The following TFEC variants were observed in gnomAD, a reference collection of about 807,000 sequenced individuals.
TFEC encodes the protein class E basic helix-loop-helix protein 34.
Under a neutral mutation model 41.6 loss-of-function variants are expected in TFEC, and 31 were observed. The observed-to-expected ratio is 0.74, with a 90% confidence interval of 0.56 to 1.01. The LOEUF (loss-of-function observed/expected upper bound fraction) is 1.01, where lower values mean the gene tolerates loss of function less well. TFEC is among the 50% of genes least tolerant of loss of function. The pLI is 0.00. For synonymous variants in TFEC, 143 were observed against 140.6 expected (o/e 1.02, Z -0.12); for missense variants, 402 against 404.1 (o/e 0.99, Z 0.04).
chr7:116,029,771 C>T lies in TFEC; in HGVS notation c.-73+862G>A, dbSNP rs17302018. ...TAATCTTAAAGTTTCTACTACAACT[C>T]TTTTGATTATTACAATTGAAAACTA... On this transcript the variant is annotated intron_variant, in intron 1 of 7. Transcript: ENST00000265440. Among the ~76,000 whole-genome samples, 1,057 of 151,942 alleles carry T rather than the reference C, an allele frequency of 7.0e-3. 7 individuals carry two copies. The highest frequency in any genetic ancestry group is 0.014 in the Middle Eastern group (4 of 294).
rs569243980 is a variant in TFEC at position 116,109,681 on chromosome 7, T to C, written c.198+1027A>G. On this transcript the variant is annotated intron_variant, in intron 3 of 8. Transcript: ENST00000484212. ...AGACAGTGTGGTGATTCCTCAAGGA[T>C]CTAGAACTAGAAATACCATTTGGCC... is the stretch of plus-strand genomic sequence containing the variant. 5.3e-4 allele frequency among the ~76,000 whole-genome samples: 81 copies of C among 152,288 alleles called. 1 individual carries two copies. Among genetic ancestry groups the C allele is most frequent in the African/African-American group, 1.9e-3 (78 of 41,564 alleles).
chr7:116,097,826 C>T (rs1236290802), intron 3 of TFEC, among the ~76,000 whole-genome samples: 6 of 152,018 alleles, frequency 3.9e-5, no homozygotes, highest in Non-Finnish European at 8.8e-5. Context: ...CAAAACAAAA[C>T]AAAACTATCC....
chr7:115,978,802 C>T (rs796131839), intron 2 of TFEC, among the ~76,000 whole-genome samples: 11 of 152,282 alleles, frequency 7.2e-5, no homozygotes, highest in African/African-American at 2.6e-4. Context: ...GCATCAATGA[C>T]ATTGCACTCT....
chr7:116,090,477 A>G (rs1179670003), intron 3 of TFEC, among the ~76,000 whole-genome samples: 1 of 151,968 alleles, frequency 6.6e-6, no homozygotes, highest in Admixed American at 6.6e-5. Context: ...ATTTTGTCCA[A>G]TTCTTCATTC....
intron 1 of TFEC, among the ~76,000 whole-genome samples, chr7:115,999,323 T>C (rs1015942527): frequency 6.6e-6 from 1 of 151,904 alleles, no homozygotes. Context: ...TACCAAAATG[T>C]ATGAAATACA....
At chr7:116,067,087 T>C (rs933983775) in intron 3 of TFEC, among the ~76,000 whole-genome samples, 3 of 152,036 alleles carry the variant, frequency 2.0e-5, no homozygotes, top group African/African-American at 7.2e-5. Context: ...TGTACTAGCA[T>C]TTCTTAGAAT....
chr7:116,061,578 T>C (rs959401501), intron 3 of TFEC, among the ~76,000 whole-genome samples: 21 of 152,032 alleles, frequency 1.4e-4, no homozygotes, highest in African/African-American at 5.1e-4. Context: ...ACCAAAAGCA[T>C]GATCCAGAAA....
chr7:116,064,080 G>C (rs10270780), intron 3 of TFEC, among the ~76,000 whole-genome samples: 23,429 of 151,840 alleles, frequency 0.15, 2,614 homozygotes, highest in African/African-American at 0.32. Flanking sequence ...GGGATGGAGC[G>C]GGGGGGCAGT....
chr7:116,017,461 T>C (rs969286200), intron 1 of TFEC, among the ~76,000 whole-genome samples: 33 of 152,140 alleles, frequency 2.2e-4, no homozygotes, highest in African/African-American at 8.0e-4. Flanking sequence ...GACCTGGTGA[T>C]CTGTCCATCT....
At chr7:116,009,125 A>G (rs1181573640) in intron 1 of TFEC, among the ~76,000 whole-genome samples, 6 of 152,206 alleles carry the variant, frequency 3.9e-5, no homozygotes, top group Non-Finnish European at 8.8e-5. Flanking sequence ...ACCTCCATTT[A>G]TACATGCATT....
intron 3 of TFEC, among the ~76,000 whole-genome samples, chr7:116,043,360 A>G (rs1446394466): frequency 6.6e-6 from 1 of 152,100 alleles, no homozygotes; most frequent in Non-Finnish European, 1.5e-5. Context: ...ACACTCTACA[A>G]ACAGAAGACC....
chr7:116,098,169 C>CT (rs1163736232), intron 3 of TFEC, among the ~76,000 whole-genome samples: 2 of 150,890 alleles, frequency 1.3e-5, no homozygotes, highest in South Asian at 2.1e-4. Context: ...CTTTTTTTTT[C>CT]TTTTTTTTGA....
At chr7:116,059,369 G>A (rs1584465208) in intron 3 of TFEC, among the ~76,000 whole-genome samples, 1 of 151,818 alleles carries the variant, frequency 6.6e-6, no homozygotes, top group Non-Finnish European at 1.5e-5. Flanking sequence ...AGCTTCCCAA[G>A]AAGAAAACTC....
At chr7:116,127,199 C>T (rs1446923241) in intron 1 of TFEC, among the ~76,000 whole-genome samples, 1 of 151,818 alleles carries the variant, frequency 6.6e-6, no homozygotes, top group African/African-American at 2.4e-5. Flanking sequence ...GGGTTCACGC[C>T]ATTCTCCTGC....
upstream of TFEC, among the ~76,000 whole-genome samples, chr7:116,035,689 A>C (rs1228087104): frequency 6.6e-6 from 1 of 152,076 alleles, no homozygotes; most frequent in Non-Finnish European, 1.5e-5. Context: ...TATAATAGAC[A>C]GAAAGTGAAA....
intron 3 of TFEC, among the ~76,000 whole-genome samples, chr7:116,042,312 G>A (rs917060576): frequency 6.6e-6 from 1 of 152,078 alleles, no homozygotes; most frequent in Admixed American, 6.6e-5. Context: ...TGTATATGAA[G>A]AGAAAACAAC....
At chr7:116,065,430 A>C (rs781782751) in intron 3 of TFEC, among the ~76,000 whole-genome samples, 1 of 152,190 alleles carries the variant, frequency 6.6e-6, no homozygotes, top group Non-Finnish European at 1.5e-5. Flanking sequence ...TATTAATCTA[A>C]GCAAAATAAC....
intron 3 of TFEC, among the ~76,000 whole-genome samples, chr7:116,097,821 C>T (rs543481980): frequency 6.6e-6 from 1 of 151,998 alleles, no homozygotes; most frequent in East Asian, 1.9e-4. Context: ...AAAAACAAAA[C>T]AAAACAAAAC....
exon 3 of TFEC, chr7:116,110,860 A>G (rs1255722228): frequency 6.5e-7 from 1 of 1,543,558 alleles, no homozygotes; most frequent in Non-Finnish European, 8.7e-7. Flanking sequence ...TTTTCTCCTA[A>G]TTGTTCTTTC....
Sources: gnomAD v4.1 joint callset for allele counts (sites outside exome capture counted in the v4.1 genomes callset) on GRCh38, gnomAD v4.1.1 for gene constraint, MANE v1.5 for transcripts, NCBI Gene and HGNC (gene_info 2026-07-23, HGNC 2026-07-21) for gene names.